The following PDE7A variants were observed in gnomAD, a reference collection of about 807,000 sequenced individuals.
PDE7A encodes the protein phosphodiesterase 7A.
In PDE7A, 39 loss-of-function variants were observed where a neutral mutation model predicts 64.3. The ratio of observed to expected loss-of-function variants is 0.61; its 90% CI spans 0.47 to 0.79. PDE7A has a LOEUF of 0.79. Ranked by LOEUF, PDE7A falls within the 30% of genes least tolerant of loss-of-function variation. PDE7A has a pLI of 0.00. For missense variants in PDE7A, 470 were observed against 582.8 expected (o/e 0.81, Z 1.99); for synonymous variants, 203 against 206.8 (o/e 0.98, Z 0.16).
intron 3 of PDE7A, among the ~76,000 whole-genome samples, chr8:65,761,916 T>C (rs1325612380): frequency 6.6e-6 from 1 of 152,204 alleles, no homozygotes; most frequent in African/African-American, 2.4e-5. Flanking sequence ...GATTCTTTTC[T>C]ATCACCCAAA....
intron 3 of PDE7A, among the ~76,000 whole-genome samples, chr8:65,757,908 C>T (rs1808312886): frequency 6.6e-6 from 1 of 152,204 alleles, no homozygotes; most frequent in Non-Finnish European, 1.5e-5. Context: ...TGAGCCACCA[C>T]ACCCAGCCAA....
At chr8:65,777,445 G>A (rs1480830743) in intron 3 of PDE7A, among the ~76,000 whole-genome samples, 1 of 151,982 alleles carries the variant, frequency 6.6e-6, no homozygotes, top group Admixed American at 6.6e-5. Context: ...TTATATTCCT[G>A]GAAAAATACT....
chr8:65,726,738 T>C (rs1806628016), intron 9 of PDE7A, 137 bp downstream of exon 9: 2 of 537,452 alleles, frequency 3.7e-6, no homozygotes, highest in Non-Finnish European at 6.7e-6. Flanking sequence ...TAAAATTGTA[T>C]ATAATTTATT....
chr8:65,798,198 A>ATT (rs1374731657), intron 1 of PDE7A, among the ~76,000 whole-genome samples: 7 of 21,622 alleles, frequency 3.2e-4, no homozygotes, highest in African/African-American at 1.5e-3. Context: ...ATATATATAT[A>ATT]TATATATATT....
intron 1 of PDE7A, among the ~76,000 whole-genome samples, chr8:65,796,912 A>G (rs1336588401): frequency 6.6e-6 from 1 of 152,192 alleles, no homozygotes; most frequent in Non-Finnish European, 1.5e-5. Flanking sequence ...TGCAGACAAC[A>G]TGACTGTCCA....
chr8:65,798,775 T>C (rs971646684), intron 1 of PDE7A, among the ~76,000 whole-genome samples: 3 of 152,204 alleles, frequency 2.0e-5, no homozygotes, highest in African/African-American at 4.8e-5. Context: ...AAAATGTATA[T>C]ATGAAAAATA....
At chr8:65,833,413 T>A (rs1388027571) in intron 1 of PDE7A, among the ~76,000 whole-genome samples, 1 of 152,190 alleles carries the variant, frequency 6.6e-6, no homozygotes, top group African/African-American at 2.4e-5. Context: ...CATCAAATAA[T>A]CAGTCAAATG....
At chr8:65,800,855 C>T (rs1809969235) in intron 1 of PDE7A, among the ~76,000 whole-genome samples, 1 of 152,182 alleles carries the variant, frequency 6.6e-6, no homozygotes, top group South Asian at 2.1e-4. Flanking sequence ...AGAAAAAGAA[C>T]ATTAGGTTCA....
At chr8:65,821,793 A>G (rs1190506176) in intron 1 of PDE7A, among the ~76,000 whole-genome samples, 1 of 152,184 alleles carries the variant, frequency 6.6e-6, no homozygotes, top group Non-Finnish European at 1.5e-5. Context: ...GTATCTTTCT[A>G]ATTTTGATTA....
intron 1 of PDE7A, among the ~76,000 whole-genome samples, chr8:65,835,565 C>T (rs112866844): frequency 0.011 from 1,665 of 152,260 alleles, 14 homozygotes; most frequent in Middle Eastern, 0.027. Flanking sequence ...GAAAACAACA[C>T]AATTCTCTAT....
intron 1 of PDE7A, among the ~76,000 whole-genome samples, chr8:65,835,798 G>C (rs1393614123): frequency 6.6e-6 from 1 of 152,120 alleles, no homozygotes; most frequent in Non-Finnish European, 1.5e-5. Context: ...TGGAACTCTA[G>C]GCATAGCAAC....
Position 65,779,908 on chromosome 8 carries a change from C to T in PDE7A, c.200-105G>A, listed in dbSNP as rs1474440716. On this transcript the variant is annotated intron_variant, in intron 2 of 12. Coordinates refer to ENST00000401827, the MANE Select transcript of PDE7A (RefSeq NM_001242318.3). The stretch of plus-strand genomic sequence containing the variant: ...GTGGTATCATATTCATAAGTAACAG[C>T]CCACTGATCATATATGTGGAACAGG... 1.8e-5 allele frequency: 11 copies of T among 595,872 alleles called. No individual in the cohort carries two copies. In the East Asian group the frequency reaches 3.2e-4, roughly 17 times the overall value. The allele number at this position is 595,872 out of a possible 1,614,324, so 36.9% of individuals were successfully genotyped here.
chr8:65,803,204 C>T (rs1053377243), intron 1 of PDE7A, among the ~76,000 whole-genome samples: 2 of 152,152 alleles, frequency 1.3e-5, no homozygotes, highest in East Asian at 1.9e-4. Flanking sequence ...TCAGGCATAT[C>T]GATGACTTGA....
chr8:65,778,843 T>C (rs543946762), intron 3 of PDE7A, among the ~76,000 whole-genome samples: 1 of 152,316 alleles, frequency 6.6e-6, no homozygotes, highest in East Asian at 1.9e-4. Flanking sequence ...ATTTCAAAGT[T>C]GGGATTTATT....
chr8:65,750,155 T>C (rs938059195), intron 3 of PDE7A, among the ~76,000 whole-genome samples: 2 of 152,196 alleles, frequency 1.3e-5, no homozygotes, highest in African/African-American at 4.8e-5. Flanking sequence ...ATCATTACCA[T>C]CCTGTGAAGA....
At chr8:65,832,008 T>C (rs1253207569) in intron 1 of PDE7A, among the ~76,000 whole-genome samples, 1 of 152,222 alleles carries the variant, frequency 6.6e-6, no homozygotes, top group East Asian at 1.9e-4. Flanking sequence ...CTTTATTTTT[T>C]GGCACGCATG....
intron 1 of PDE7A, among the ~76,000 whole-genome samples, chr8:65,791,701 C>T (rs569316696): frequency 1.2e-4 from 19 of 152,288 alleles, no homozygotes; most frequent in African/African-American, 3.9e-4. Context: ...AATTCTCCCC[C>T]AGATCAGAAA....
At chr8:65,777,298 C>T (rs1198836195) in intron 3 of PDE7A, among the ~76,000 whole-genome samples, 3 of 151,968 alleles carry the variant, frequency 2.0e-5, no homozygotes, top group African/African-American at 7.2e-5. Context: ...AGGCTGGTCT[C>T]GAACTCCCGA....
intron 4 of PDE7A, among the ~76,000 whole-genome samples, chr8:65,746,606 C>G (rs1013046195): frequency 6.6e-6 from 1 of 152,048 alleles, no homozygotes; most frequent in African/African-American, 2.4e-5. Context: ...TAGAAAAAAA[C>G]TTATATTTTA....
Sources: gnomAD v4.1 joint callset for allele counts (sites outside exome capture counted in the v4.1 genomes callset) on GRCh38, gnomAD v4.1.1 for gene constraint, MANE v1.5 for transcripts, NCBI Gene and HGNC (gene_info 2026-07-23, HGNC 2026-07-21) for gene names.